Variants in GALNT2 observed in about 807,000 individuals in gnomAD.
GALNT2 encodes polypeptide N-acetylgalactosaminyltransferase 2.
A neutral mutation model predicts 81.4 loss-of-function variants in GALNT2; 31 were observed. The observed-to-expected ratio is 0.38, with a 90% CI of 0.29 to 0.51. The LOEUF is 0.51. GALNT2 is among the 20% of genes least tolerant of loss of function. The pLI is 0.87. For missense variants in GALNT2, 629 were observed against 765.7 expected (o/e 0.82, Z 2.11); for synonymous variants, 303 against 287.4 (o/e 1.05, Z -0.55).
At chr1:230,095,328 T>C (rs1318130276) in intron 1 of GALNT2, among the ~76,000 whole-genome samples, 1 of 152,160 alleles carries the variant, frequency 6.6e-6, no homozygotes, top group African/African-American at 2.4e-5. Flanking sequence ...AATTCACCTA[T>C]CCGTTATAGA....
At chr1:230,268,289 T>A (rs1300668505) in intron 14 of GALNT2, 1 of 151,146 alleles carries the variant, frequency 6.6e-6, no homozygotes, top group African/African-American at 2.4e-5. Context: ...CGTGTAGGGT[T>A]GGGTGAAGCT....
At chr1:230,252,929 G>A (rs979433261) in intron 10 of GALNT2, among the ~76,000 whole-genome samples, 6 of 131,650 alleles carry the variant, frequency 4.6e-5, no homozygotes, top group Non-Finnish European at 7.7e-5. Context: ...TCACCGCAAC[G>A]TTCGCCTCCC....
rs1422726427 is a variant in GALNT2, at chr1:230,271,336, T to C, written c.1441-3109T>C. On this transcript the variant is annotated intron_variant, in intron 14 of 15. Transcript: ENST00000366672. The surrounding 1 kb of genome is among the most constrained non-coding windows in gnomAD (Gnocchi z 4.2). Reference sequence around the variant, plus strand: ...TGAATAGGAAAAAAGCTGCTTTTCCTCCTTTATACTCTCACAAAACTTCTC... The same window carrying C: ...TGAATAGGAAAAAAGCTGCTTTTCCCCCTTTATACTCTCACAAAACTTCTC... 6.6e-6 allele frequency among the ~76,000 whole-genome samples: 1 copy of C among 152,218 alleles called. No homozygotes were observed. The highest frequency in any genetic ancestry group is 1.5e-5 in the Non-Finnish European group (1 of 68,046).
chr1:230,203,549 G>A (rs2102707315), intron 3 of GALNT2, among the ~76,000 whole-genome samples: 1 of 152,352 alleles, frequency 6.6e-6, no homozygotes, highest in East Asian at 1.9e-4. Context: ...GAGCGTGGAA[G>A]TCAGAAAGAG....
chr1:230,175,183 G>A (rs1662930302), intron 1 of GALNT2, among the ~76,000 whole-genome samples: 1 of 152,200 alleles, frequency 6.6e-6, no homozygotes, highest in South Asian at 2.1e-4. Flanking sequence ...AGTGAACCTA[G>A]TCAGCCATCT....
At chr1:230,087,177 C>A (rs35941759) in intron 1 of GALNT2, among the ~76,000 whole-genome samples, 14,883 of 152,210 alleles carry the variant, frequency 0.098, 768 homozygotes, top group East Asian at 0.16. Flanking sequence ...GCATCTGGCA[C>A]CGCCCTTTCC....
chr1:230,273,354 G>A (rs1022272589), intron 14 of GALNT2, among the ~76,000 whole-genome samples: 6 of 152,226 alleles, frequency 3.9e-5, no homozygotes, highest in Non-Finnish European at 5.9e-5. Context: ...GGGACAGACC[G>A]ATAGAAAGAC....
upstream of GALNT2, among the ~76,000 whole-genome samples, chr1:230,067,039 AC>A (rs1193837983): frequency 2.1e-5 from 3 of 145,134 alleles, no homozygotes; most frequent in East Asian, 2.1e-4. Flanking sequence ...TTGCTCCCTG[AC>A]CCCCCTCGCC....
At chr1:230,066,982 C>A (rs1160213885), upstream of GALNT2, among the ~76,000 whole-genome samples, 1 of 149,252 alleles carries the variant, frequency 6.7e-6, no homozygotes, top group African/African-American at 2.4e-5. Flanking sequence ...AGTCCCCTCC[C>A]GCGGCCCGCG....
At chr1:230,130,222 T>A (rs940618270) in intron 1 of GALNT2, among the ~76,000 whole-genome samples, 6 of 152,232 alleles carry the variant, frequency 3.9e-5, no homozygotes, top group Admixed American at 3.9e-4. Flanking sequence ...TTCTGTAAGC[T>A]AAACCTCTCT....
intron 1 of GALNT2, among the ~76,000 whole-genome samples, chr1:230,136,047 A>G (rs893971875): frequency 1.3e-5 from 2 of 152,016 alleles, no homozygotes; most frequent in Non-Finnish European, 2.9e-5. Flanking sequence ...GGATAAAAGG[A>G]TATATTCTGG....
chr1:230,240,754 A>G (rs1665176198), intron 6 of GALNT2, among the ~76,000 whole-genome samples: 1 of 152,010 alleles, frequency 6.6e-6, no homozygotes, highest in Non-Finnish European at 1.5e-5. Flanking sequence ...TAAATTGAAT[A>G]TGTAAGATGA....
intron 1 of GALNT2, among the ~76,000 whole-genome samples, chr1:230,155,644 T>G (rs1281464679): frequency 3.9e-5 from 6 of 152,192 alleles, no homozygotes; most frequent in Admixed American, 3.9e-4. Flanking sequence ...TTGTGAGGAC[T>G]GGAGCTTTTG....
chr1:230,162,409 C>A (rs762724723), intron 1 of GALNT2, among the ~76,000 whole-genome samples: 3 of 152,166 alleles, frequency 2.0e-5, no homozygotes, highest in Non-Finnish European at 4.4e-5. Flanking sequence ...AAATATAGTT[C>A]TTTCTAGTTT....
chr1:230,141,868 T>C (rs1343565505), intron 1 of GALNT2, among the ~76,000 whole-genome samples: 2 of 142,898 alleles, frequency 1.4e-5, no homozygotes, highest in South Asian at 2.3e-4. Context: ...CATATCTCAC[T>C]GCAGCATCAA....
intron 1 of GALNT2, among the ~76,000 whole-genome samples, chr1:230,058,837 G>A (rs1229271810): frequency 6.6e-6 from 1 of 152,156 alleles, no homozygotes; most frequent in Non-Finnish European, 1.5e-5. Context: ...GCTGCTCACT[G>A]AGGATAGAAC....
chr1:230,084,996 T>C (rs1364104030), intron 1 of GALNT2, among the ~76,000 whole-genome samples: 1 of 152,172 alleles, frequency 6.6e-6, no homozygotes, highest in Non-Finnish European at 1.5e-5. Context: ...TTAAATCCTG[T>C]GCCCTAAAGG....
chr1:230,272,986 G>A (rs1462861750), intron 14 of GALNT2, among the ~76,000 whole-genome samples: 1 of 152,084 alleles, frequency 6.6e-6, no homozygotes, highest in Non-Finnish European at 1.5e-5. Context: ...TGCCTAGGCT[G>A]ATCTTGAACT....
rs1308572476 is a variant in GALNT2, at chr1:230,274,221, C to T, written c.1441-224C>T. On this transcript the variant is annotated intron_variant, in intron 14 of 15. Transcript: ENST00000366672. ...AGGTCCTCAAAGCACTTCTGCACAT[C>T]ACTCAGCCAACTTACTGCTCAGTTG... Among the ~76,000 whole-genome samples, 8 of 152,270 alleles carry T rather than the reference C, an allele frequency of 5.3e-5. 1 individual carries two copies. The South Asian group carries it at 1.4e-3, about 28-fold the overall frequency.
Sources: allele counts gnomAD v4.1 joint callset (sites outside exome capture counted in the v4.1 genomes callset), GRCh38; gene constraint gnomAD v4.1.1; non-coding constraint Gnocchi (gnomAD v3.1); transcripts MANE v1.5; gene names NCBI Gene and HGNC (gene_info 2026-07-23, HGNC 2026-07-21).